Variants in BLOC1S1 observed in about 807,000 individuals in gnomAD.
BLOC1S1 encodes the protein biogenesis of lysosomal organelles complex 1 subunit 1.
A neutral mutation model predicts 19.0 loss-of-function variants in BLOC1S1; 11 were observed. The ratio of observed to expected loss-of-function variants is 0.58; its 90% CI spans 0.37 to 0.96. The LOEUF is 0.96. Ranked by LOEUF, BLOC1S1 falls within the 40% of genes least tolerant of loss-of-function variation. BLOC1S1 has a pLI of 0.01. For missense variants in BLOC1S1, 220 were observed against 195.9 expected, an observed-to-expected ratio of 1.12 and a Z score of -0.73; for synonymous variants, 94 against 76.4, an observed-to-expected ratio of 1.23 and a Z score of -1.20.
At chr12:55,719,422 A>C in intron 3 of BLOC1S1, 77 bp from the exon 4 acceptor site, 1 of 1,480,998 alleles carries the variant, frequency 6.8e-7, no homozygotes, top group South Asian at 1.1e-5. Context: ...GAGATGAATA[A>C]AACGTATTCC....
At position 55,716,923 on chromosome 12, in the gene BLOC1S1, C is replaced by T. The variant is rs1019710667; in HGVS notation, c.146-10C>T. The T allele has an allele frequency of 3.2e-6, 5 of 1,579,964 alleles. No individual in the cohort carries two copies. The highest frequency in any genetic ancestry group is 1.9e-5 in the Admixed American group (1 of 52,500). On this transcript the variant is annotated splice_polypyrimidine_tract_variant and intron_variant, in intron 1 of 3. Coordinates refer to ENST00000548925, the MANE Select transcript of BLOC1S1 (RefSeq NM_001487.4). ...GTCTCCCCTCCAATTCCTTTTCCCCCTCTCCCCAGAAAAGAGGAGGCGAGA... is the reference window on the plus strand; with the variant it reads ...GTCTCCCCTCCAATTCCTTTTCCCCTTCTCCCCAGAAAAGAGGAGGCGAGA...
intron 2 of BLOC1S1, among the ~76,000 whole-genome samples, chr12:55,717,307 C>T (rs923773219): frequency 2.0e-5 from 3 of 152,208 alleles, no homozygotes; most frequent in East Asian, 1.9e-4. Flanking sequence ...CTTCCAAGTC[C>T]AGCTGTCACT....
chr12:55,717,233 C>A (rs1435424271), intron 2 of BLOC1S1, among the ~76,000 whole-genome samples: 1 of 152,186 alleles, frequency 6.6e-6, no homozygotes, highest in Non-Finnish European at 1.5e-5. Context: ...GCCAGATTTC[C>A]CCTTCCCCAC....
At chr12:55,716,379 G>T in intron 1 of BLOC1S1, 183 bp downstream of exon 1, 5 of 1,428,802 alleles carry the variant, frequency 3.5e-6, no homozygotes, top group East Asian at 2.6e-5. Context: ...AACTGGCTCC[G>T]GTCCCTTGGG....
In BLOC1S1 at chr12:55,719,613, C is replaced by T; in HGVS notation, c.*4C>T. Reference sequence around the variant, plus strand: ...GCTGCAGTCTGCCCCTTCCTAGCCCCTGTTCCCTCCCCCAACCCTATCCCT... The same window carrying T: ...GCTGCAGTCTGCCCCTTCCTAGCCCTTGTTCCCTCCCCCAACCCTATCCCT... On this transcript the variant is annotated 3_prime_UTR_variant, in exon 4 of 4. Coordinates refer to ENST00000548925, the MANE Select transcript of BLOC1S1 (RefSeq NM_001487.4). 1 of 1,613,248 alleles carries T rather than the reference C, an allele frequency of 6.2e-7. No homozygotes were observed. Among genetic ancestry groups the T allele is most frequent in the African/African-American group, 1.3e-5 (1 of 75,014 alleles).
chr12:55,716,606 T>C (rs1876560671), intron 1 of BLOC1S1: 33 of 1,220,600 alleles, frequency 2.7e-5, no homozygotes, highest in Non-Finnish European at 3.3e-5. Context: ...ACTTGTTTCC[T>C]GAGTCCGGGC....
At position 55,719,664 on chromosome 12, in the gene BLOC1S1, G is replaced by T; in HGVS notation, c.*55G>T. 6.8e-7 allele frequency: 1 copy of T among 1,480,968 alleles called. No individual in the cohort carries two copies. Among genetic ancestry groups the T allele is most frequent in the South Asian group, 1.1e-5 (1 of 87,858 alleles). The allele number at this position is 1,480,968 out of a possible 1,614,324, so 91.7% of individuals were successfully genotyped here. A position where few individuals can be genotyped will look rare whatever the true frequency, so the allele number is the denominator to read the frequency against. On this transcript the variant is annotated 3_prime_UTR_variant, in exon 4 of 4. Coordinates refer to ENST00000548925, the MANE Select transcript of BLOC1S1 (RefSeq NM_001487.4). The stretch of plus-strand genomic sequence containing the variant: ...CCTACCTCACCCGCAGGGGGAAGGA[G>T]GGAGGCTGACAAGCCTTGAATAAAA...
chr12:55,717,958 A>G (rs970162787), intron 2 of BLOC1S1, among the ~76,000 whole-genome samples: 4 of 152,126 alleles, frequency 2.6e-5, no homozygotes, highest in African/African-American at 9.7e-5. Context: ...AAAAGAAGGA[A>G]CAGGGTCTGC....
intron 2 of BLOC1S1, among the ~76,000 whole-genome samples, chr12:55,717,872 C>G (rs1425101456): frequency 6.6e-6 from 1 of 152,178 alleles, no homozygotes; most frequent in Non-Finnish European, 1.5e-5. Context: ...ATGGGGAAAA[C>G]CAGAAGTTCA....
intron 1 of BLOC1S1, 66 bp from the exon 2 acceptor site, chr12:55,716,867 G>A (rs995413577): frequency 2.0e-6 from 3 of 1,472,894 alleles, no homozygotes; most frequent in Middle Eastern, 1.7e-4. Context: ...GATGGGTAGG[G>A]AACCTTTAAC....
chr12:55,718,486 G>A (rs1592517620), intron 2 of BLOC1S1, among the ~76,000 whole-genome samples: 1 of 122,666 alleles, frequency 8.2e-6, no homozygotes, highest in Non-Finnish European at 1.7e-5. Context: ...AGAAGGGAGG[G>A]AGAGCATGTG....
chr12:55,719,247 C>T, intron 3 of BLOC1S1, 24 bp downstream of exon 3: 1 of 1,614,082 alleles, frequency 6.2e-7, no homozygotes, highest in Non-Finnish European at 8.5e-7. Context: ...CCTACCTCAC[C>T]ACCCCAATCC....
rs538559015 is a variant in BLOC1S1, at chr12:55,716,103, C to A, written c.52C>A (p.Pro18Thr). ...ERSSFRSRRG[P>T]GVPSPQPDVT... ...TTCCAGCTTCCGGAGCCGGAGGGGG[C>A]CCGGCGTACCCAGCCCCCAGCCCGA... Residue 18 changes from proline to threonine, a missense_variant, in exon 1 of 4, where the codon CCC becomes ACC. Pro to Thr is a conservative substitution (Grantham distance 38). Coordinates refer to ENST00000548925, the MANE Select transcript of BLOC1S1 (RefSeq NM_001487.4). 1.3e-6 allele frequency: 2 copies of A among 1,599,326 alleles called. No individual in the cohort carries two copies. The highest frequency in any genetic ancestry group is 1.7e-6 in the Non-Finnish European group (2 of 1,173,430).
At position 55,719,019 on chromosome 12, in the gene BLOC1S1, C is replaced by G. The variant is rs2136136423; in HGVS notation, c.219-72C>G. 9.7e-6 allele frequency: 15 copies of G among 1,544,752 alleles called. 1 individual carries two copies. The South Asian group carries it at 1.7e-4, about 18-fold the overall frequency. On this transcript the variant is annotated intron_variant, in intron 2 of 3. Coordinates refer to ENST00000548925, the MANE Select transcript of BLOC1S1 (RefSeq NM_001487.4). Reference sequence around the variant, plus strand: ...ATTCTTGGCTGAACTCCCACTGCTGCAATGGAATATTAGTCCCGGAGACCA... The same window carrying G: ...ATTCTTGGCTGAACTCCCACTGCTGGAATGGAATATTAGTCCCGGAGACCA...
chr12:55,718,821 C>T lies in BLOC1S1; in HGVS notation c.219-270C>T, dbSNP rs553401911. ...ATCACCCCAGGTTTTCCCTCCCTTC[C>T]CCCACTCAGCTGCAGGAACTCCTTT... On this transcript the variant is annotated intron_variant, in intron 2 of 3. Transcript: ENST00000548925. Among the ~76,000 whole-genome samples, 14 of 152,224 alleles carry T rather than the reference C, an allele frequency of 9.2e-5. No individual in the cohort carries two copies. In the East Asian group the frequency reaches 2.7e-3, roughly 29 times the overall value.
At chr12:55,717,761 G>C (rs911594785) in intron 2 of BLOC1S1, among the ~76,000 whole-genome samples, 2 of 152,204 alleles carry the variant, frequency 1.3e-5, no homozygotes, top group Non-Finnish European at 2.9e-5. Flanking sequence ...TACTCATCTT[G>C]GGGGAAGGTT....
At position 55,719,552 on chromosome 12, in the gene BLOC1S1, C is replaced by G. The variant is rs765771856; in HGVS notation, c.405C>G (p.Thr135=). ...WARSIELDMR[T]IATALEYVYK... Reference sequence around the variant, plus strand: ...GGAGCATCGAGCTGGACATGCGCACCATTGCCACTGCACTGGAATATGTCT... The same window carrying G: ...GGAGCATCGAGCTGGACATGCGCACGATTGCCACTGCACTGGAATATGTCT... Residue 135 remains threonine, a synonymous_variant, in exon 4 of 4, where the codon ACC becomes ACG. Coordinates refer to ENST00000548925, the MANE Select transcript of BLOC1S1 (RefSeq NM_001487.4). The G allele has an allele frequency of 3.7e-6, 6 of 1,614,182 alleles. No individual in the cohort carries two copies. Among genetic ancestry groups the G allele is most frequent in the Non-Finnish European group, 5.1e-6 (6 of 1,180,046 alleles).
At chr12:55,718,466 T>C (rs976396688) in intron 2 of BLOC1S1, among the ~76,000 whole-genome samples, 7 of 151,372 alleles carry the variant, frequency 4.6e-5, no homozygotes, top group African/African-American at 1.7e-4. Context: ...GAAAAACTAG[T>C]GCCTAAGGCA....
At chr12:55,716,311 CG>C in intron 1 of BLOC1S1, 115 bp downstream of exon 1, 1 of 1,511,746 alleles carries the variant, frequency 6.6e-7, no homozygotes, top group Non-Finnish European at 8.8e-7. Flanking sequence ...TAGCGGGCAA[CG>C]GGCATGGGGG....
Sources: allele counts gnomAD v4.1 joint callset (sites outside exome capture counted in the v4.1 genomes callset), GRCh38; gene constraint gnomAD v4.1.1; transcripts MANE v1.5; gene names NCBI Gene and HGNC (gene_info 2026-07-23, HGNC 2026-07-21).